Variants in DCDC2 observed in about 807,000 individuals in gnomAD.
DCDC2 encodes the protein doublecortin domain-containing protein 2.
In DCDC2, 40 loss-of-function variants were observed where a neutral mutation model predicts 50.2. That is an observed-to-expected ratio of 0.80 (90% CI 0.62 to 1.04). The LOEUF (loss-of-function observed/expected upper bound fraction) is 1.04. Among genes scored for constraint, DCDC2 ranks in the 50% least tolerant of loss-of-function variants. DCDC2 has a pLI of 0.00. For missense variants in DCDC2, 570 were observed against 581.9 expected (o/e 0.98, Z 0.21); for synonymous variants, 234 against 210.6 (o/e 1.11, Z -0.96).
At chr6:24,361,371 G>A (rs9467124), upstream of DCDC2, among the ~76,000 whole-genome samples, 61,709 of 151,222 alleles carry the variant, frequency 0.41, 13,458 homozygotes, top group African/African-American at 0.57. Flanking sequence ...ACAAACCTCC[G>A]TGACACGAGT....
At chr6:24,347,903 T>C (rs1421216796) in intron 2 of DCDC2, among the ~76,000 whole-genome samples, 1 of 152,174 alleles carries the variant, frequency 6.6e-6, no homozygotes, top group Non-Finnish European at 1.5e-5. Flanking sequence ...TAACCAGGCA[T>C]GTGCAAGGCA....
chr6:24,184,171 AAATT>A (rs1430805861), intron 8 of DCDC2, among the ~76,000 whole-genome samples: 1 of 152,224 alleles, frequency 6.6e-6, no homozygotes, highest in Non-Finnish European at 1.5e-5. Flanking sequence ...ATCTTTCCTT[AAATT>A]AATAACCAAA....
At chr6:24,353,288 C>T in intron 2 of DCDC2, 1 of 504,812 alleles carries the variant, frequency 2.0e-6, no homozygotes, top group South Asian at 1.5e-5. Flanking sequence ...GACAGGGAAC[C>T]TTCCCATGGA....
chr6:24,256,374 A>G (rs1355640922), intron 7 of DCDC2, among the ~76,000 whole-genome samples: 1 of 151,668 alleles, frequency 6.6e-6, no homozygotes, highest in African/African-American at 2.4e-5. Context: ...TTTTGTATGT[A>G]CATTATATAT....
intron 7 of DCDC2, among the ~76,000 whole-genome samples, chr6:24,254,616 A>C (rs1440406033): frequency 6.6e-6 from 1 of 152,146 alleles, no homozygotes; most frequent in East Asian, 1.9e-4. Flanking sequence ...TTTTATTTAT[A>C]ATTTTTTTAC....
Position 24,344,030 on chromosome 6 carries a change from T to A in DCDC2, c.348+9539A>T, listed in dbSNP as rs192379754. Among the ~76,000 whole-genome samples the A allele has an allele frequency of 8.5e-5, 13 of 152,288 alleles. No individual in the cohort carries two copies. The East Asian group carries it at 2.1e-3, about 25-fold the overall frequency. The stretch of plus-strand genomic sequence containing the variant: ...AAATATACGGTATTATTAATTATAA[T>A]CAACATGCTATGCAATAGATCTCCA... On this transcript the variant is annotated intron_variant, in intron 2 of 9. Transcript: ENST00000378454.
intron 7 of DCDC2, among the ~76,000 whole-genome samples, chr6:24,235,336 C>T (rs1762420882): frequency 6.6e-6 from 1 of 152,156 alleles, no homozygotes; most frequent in East Asian, 1.9e-4. Context: ...ACTTATTATA[C>T]AAAGTGGACT....
At chr6:24,358,872 A>G (rs1338183979), upstream of DCDC2, among the ~76,000 whole-genome samples, 2 of 22,020 alleles carry the variant, frequency 9.1e-5, no homozygotes, top group African/African-American at 2.8e-4. Context: ...TATATAATAT[A>G]TATGTATTAT....
intron 4 of DCDC2, among the ~76,000 whole-genome samples, chr6:24,296,705 T>G (rs1043571083): frequency 3.9e-5 from 6 of 152,080 alleles, no homozygotes; most frequent in Admixed American, 3.9e-4. Context: ...AACAAGCATA[T>G]GAAAAAGAGC....
rs1322381235 is a variant in DCDC2 at position 24,211,975 on chromosome 6, G to A, written c.923-6873C>T. 2.6e-5 allele frequency among the ~76,000 whole-genome samples: 4 copies of A among 152,172 alleles called. No individual in the cohort carries two copies. In the East Asian group the frequency reaches 7.7e-4, roughly 29 times the overall value. ...GGGCCACGGACTGGAAGTGGTCTGT[G>A]GCCTGTTAGGAACTGGGCTGTACAG... On this transcript the variant is annotated intron_variant, in intron 7 of 9. Transcript: ENST00000378454.
At chr6:24,230,283 C>G (rs1349757389) in intron 7 of DCDC2, among the ~76,000 whole-genome samples, 1 of 152,000 alleles carries the variant, frequency 6.6e-6, no homozygotes, top group Non-Finnish European at 1.5e-5. Flanking sequence ...ATGTAAGTGC[C>G]ATGAAGTGCT....
intron 7 of DCDC2, among the ~76,000 whole-genome samples, chr6:24,245,745 A>G (rs1284822563): frequency 2.6e-5 from 4 of 152,214 alleles, no homozygotes; most frequent in Admixed American, 2.6e-4. Flanking sequence ...TTTAAAAGAG[A>G]TTACTAAAAA....
At chr6:24,297,040 T>C (rs549979597) in intron 4 of DCDC2, among the ~76,000 whole-genome samples, 1 of 152,214 alleles carries the variant, frequency 6.6e-6, no homozygotes, top group Non-Finnish European at 1.5e-5. Flanking sequence ...CTATTCACAG[T>C]AGCAAAGAAA....
Position 24,178,481 on chromosome 6 carries a change from A to C in DCDC2, c.1175T>G (p.Leu392Arg). The change falls in exon 9 of 10, where the codon CTG becomes CGG. Residue 392 changes from leucine to arginine, a missense_variant. Transcript: ENST00000378454. ...TDAPEQVEEI[L>R]DHSEQQARPA... ...GCGTGCCTGCTGCTCACTGTGATCCAGAATCTCCTCGACTTGCTCAGGGGC... is the reference window on the plus strand; with the variant it reads ...GCGTGCCTGCTGCTCACTGTGATCCCGAATCTCCTCGACTTGCTCAGGGGC... 1 of 1,614,160 alleles carries C rather than the reference A, an allele frequency of 6.2e-7. No homozygotes were observed. The highest frequency in any genetic ancestry group is 8.5e-7 in the Non-Finnish European group (1 of 1,180,024).
At chr6:24,367,783 A>C in the DCDC2 span, among the ~76,000 whole-genome samples, 22 of 152,378 alleles carry the variant, frequency 1.4e-4, no homozygotes, top group African/African-American at 4.3e-4. Flanking sequence ...AAAACTTATA[A>C]GAAAACAAAT....
At chr6:24,237,898 A>G (rs1026202617) in intron 7 of DCDC2, among the ~76,000 whole-genome samples, 4 of 151,490 alleles carry the variant, frequency 2.6e-5, no homozygotes, top group African/African-American at 9.7e-5. Flanking sequence ...AGATGGGAAC[A>G]ACAGACACTG....
chr6:24,301,298 G>T (rs111678783), intron 4 of DCDC2, among the ~76,000 whole-genome samples: 2 of 148,504 alleles, frequency 1.3e-5, no homozygotes, highest in Admixed American at 1.4e-4. Flanking sequence ...GTGAACCCGG[G>T]AGGCGGAGCT....
intron 2 of DCDC2, among the ~76,000 whole-genome samples, chr6:24,331,551 A>G (rs1759965870): frequency 6.6e-6 from 1 of 152,138 alleles, no homozygotes; most frequent in South Asian, 2.1e-4. Flanking sequence ...TTATTGAATA[A>G]TTATATTTAG....
chr6:24,175,951 A>T (rs1760899757), intron 9 of DCDC2, among the ~76,000 whole-genome samples: 1 of 152,184 alleles, frequency 6.6e-6, no homozygotes, highest in Admixed American at 6.5e-5. Context: ...TAAGTAAGAG[A>T]TGAGTCAAAT....
Sources: gnomAD v4.1 joint callset for allele counts (sites outside exome capture counted in the v4.1 genomes callset) on GRCh38, gnomAD v4.1.1 for gene constraint, MANE v1.5 for transcripts, NCBI Gene and HGNC (gene_info 2026-07-23, HGNC 2026-07-21) for gene names.